CEP192: variants seen among roughly 807,000 people sequenced by gnomAD.
CEP192 encodes the protein centrosomal protein 192, also known as centrosomal protein of 192 kDa.
In CEP192, 151 loss-of-function variants were observed where a neutral mutation model predicts 271.8. The observed-to-expected ratio is 0.56, with a 90% CI of 0.49 to 0.64. The LOEUF (loss-of-function observed/expected upper bound fraction) is 0.64. Ranked by LOEUF, CEP192 falls within the 30% of genes least tolerant of loss-of-function variation. CEP192 has a pLI of 0.00. For missense variants in CEP192, 2,910 were observed against 3,020.5 expected, an observed-to-expected ratio of 0.96 and a Z score of 0.86; for synonymous variants, 995 against 1,076.5, an observed-to-expected ratio of 0.92 and a Z score of 1.48.
intron 36 of CEP192, among the ~76,000 whole-genome samples, chr18:13,097,009 A>G (rs1342881807): frequency 2.6e-5 from 4 of 152,214 alleles, no homozygotes. Context: ...GAAAGACAAC[A>G]TGAAGTTTAT....
At chr18:12,996,161 G>A (rs959894741) in intron 1 of CEP192, among the ~76,000 whole-genome samples, 1 of 151,560 alleles carries the variant, frequency 6.6e-6, no homozygotes, top group Non-Finnish European at 1.5e-5. Flanking sequence ...CTATTGCAGT[G>A]AGTGTCCAGG....
At chr18:13,054,014 G>T (rs2036949261) in intron 18 of CEP192, among the ~76,000 whole-genome samples, 1 of 152,142 alleles carries the variant, frequency 6.6e-6, no homozygotes, top group South Asian at 2.1e-4. Context: ...TTTTTTTAGA[G>T]ATGGGGTCTT....
chr18:13,095,075 C>T (rs2039327395), intron 34 of CEP192, among the ~76,000 whole-genome samples: 1 of 152,126 alleles, frequency 6.6e-6, no homozygotes, highest in African/African-American at 2.4e-5. Flanking sequence ...CATTGTGTAG[C>T]CCAGGTTGGA....
chr18:13,093,820 A>G (rs1283144986), intron 34 of CEP192, among the ~76,000 whole-genome samples: 2 of 152,248 alleles, frequency 1.3e-5, no homozygotes, highest in Non-Finnish European at 2.9e-5. Flanking sequence ...GACAGAGCAG[A>G]TACATCTTGC....
chr18:13,041,930 T>C (rs538837471), intron 14 of CEP192, among the ~76,000 whole-genome samples: 2 of 152,356 alleles, frequency 1.3e-5, no homozygotes, highest in South Asian at 2.1e-4. Context: ...CTGAAAAATA[T>C]TGAATGAGTT....
intron 15 of CEP192, among the ~76,000 whole-genome samples, chr18:13,045,636 T>C (rs950421275): frequency 2.6e-5 from 4 of 152,270 alleles, no homozygotes. Flanking sequence ...TGTGGGTTTG[T>C]TAATCATTAT....
At chr18:13,053,733 A>T (rs984344628) in intron 18 of CEP192, among the ~76,000 whole-genome samples, 2 of 152,290 alleles carry the variant, frequency 1.3e-5, no homozygotes, top group East Asian at 1.9e-4. Flanking sequence ...TCTGTCACCC[A>T]GGCTGGAGTA....
intron 11 of CEP192, among the ~76,000 whole-genome samples, chr18:13,034,643 TA>T (rs1248570440): frequency 3.6e-3 from 501 of 137,584 alleles, no homozygotes; most frequent in Non-Finnish European, 3.5e-3. Flanking sequence ...CTGTCTCTAC[TA>T]AAAAAAAAAA....
At chr18:13,114,857 A>G (rs913667325) in intron 42 of CEP192, among the ~76,000 whole-genome samples, 1 of 152,234 alleles carries the variant, frequency 6.6e-6, no homozygotes, top group Non-Finnish European at 1.5e-5. Flanking sequence ...TTATGTTCCC[A>G]TAAGCAGCAT....
intron 44 of CEP192, among the ~76,000 whole-genome samples, chr18:13,119,837 A>G: frequency 6.6e-6 from 1 of 152,266 alleles, no homozygotes; most frequent in East Asian, 1.9e-4. Flanking sequence ...CAACTTTAAA[A>G]AAACAATATT....
chr18:13,050,341 A>C (rs569428061), intron 17 of CEP192, among the ~76,000 whole-genome samples: 1 of 152,328 alleles, frequency 6.6e-6, no homozygotes, highest in Non-Finnish European at 1.5e-5. Context: ...ATTATCAAAA[A>C]TGTTAAATGT....
chr18:12,995,223 G>A (rs11663300), intron 1 of CEP192, among the ~76,000 whole-genome samples: 37,808 of 151,738 alleles, frequency 0.25, 5,537 homozygotes, highest in East Asian at 0.44. Context: ...CACCTCGCCC[G>A]GCTAATTTTT....
At chr18:13,086,981 C>T in intron 30 of CEP192, 36 bp from the exon 31 acceptor site, 1 of 1,467,920 alleles carries the variant, frequency 6.8e-7, no homozygotes, top group Non-Finnish European at 9.4e-7. Context: ...TTCTGCTTAA[C>T]ATTAAAATAA....
chr18:13,107,685 A>G (rs1338860430), intron 40 of CEP192, among the ~76,000 whole-genome samples: 2 of 152,184 alleles, frequency 1.3e-5, no homozygotes, highest in Non-Finnish European at 2.9e-5. Context: ...GCCTGAAGCT[A>G]TTCTGAATGA....
intron 43 of CEP192, 120 bp from the exon 44 acceptor site, chr18:13,117,465 T>C: frequency 4.4e-6 from 3 of 675,060 alleles, no homozygotes; most frequent in Non-Finnish European, 7.8e-6. Flanking sequence ...TACTACCTAA[T>C]TTTGTGGCAA....
At chr18:13,079,295 C>T (rs562604018) in intron 30 of CEP192, among the ~76,000 whole-genome samples, 20 of 152,318 alleles carry the variant, frequency 1.3e-4, no homozygotes, top group African/African-American at 4.6e-4. Context: ...TCTCCAGCAC[C>T]TGTTGTTTCC....
intron 1 of CEP192, 95 bp from the exon 2 acceptor site, chr18:12,999,326 C>T (rs1031714514): frequency 3.0e-5 from 30 of 991,628 alleles, no homozygotes; most frequent in Non-Finnish European, 3.6e-5. Context: ...GGATTTTTTT[C>T]CTAAGATTTA....
chr18:13,064,405 G>A (rs1465130008), intron 21 of CEP192, among the ~76,000 whole-genome samples: 1 of 151,844 alleles, frequency 6.6e-6, no homozygotes, highest in African/African-American at 2.4e-5. Context: ...GAGGTCAGGA[G>A]ATTGAGACCA....
chr18:13,071,372 T>G (rs1388376553), intron 28 of CEP192, among the ~76,000 whole-genome samples, 160 bp downstream of exon 28: 2 of 152,236 alleles, frequency 1.3e-5, no homozygotes, highest in African/African-American at 4.8e-5. Flanking sequence ...GATTCAGCTT[T>G]TCTTTAACAT....
Sources: allele counts gnomAD v4.1 joint callset (sites outside exome capture counted in the v4.1 genomes callset), GRCh38; gene constraint gnomAD v4.1.1; transcripts MANE v1.5; gene names NCBI Gene and HGNC (gene_info 2026-07-23, HGNC 2026-07-21).